STOX2: variants seen among roughly 807,000 people sequenced by gnomAD.
The protein encoded by STOX2 is storkhead box 2, also known as storkhead-box protein 2.
A neutral mutation model predicts 60.9 loss-of-function variants in STOX2; 28 were observed. The ratio of observed to expected loss-of-function variants is 0.46; its 90% CI spans 0.34 to 0.63. The LOEUF (loss-of-function observed/expected upper bound fraction) is 0.63, where lower values mean the gene tolerates loss of function less well. Among genes scored for constraint, STOX2 ranks in the 30% least tolerant of loss-of-function variants. STOX2 has a pLI of 0.01. For synonymous variants in STOX2, 472 were observed against 463.9 expected (o/e 1.02, Z -0.22); for missense variants, 1,024 against 1,187.7 (o/e 0.86, Z 2.03).
chr4:183,864,062 A>ATT (rs199976911), intron 1 of STOX2, among the ~76,000 whole-genome samples: 164 of 151,950 alleles, frequency 1.1e-3, no homozygotes, highest in African/African-American at 3.7e-3. Flanking sequence ...TGTGAATGTT[A>ATT]TTTTTTTTAA....
Position 183,910,698 on chromosome 4 carries a change from A to G in STOX2, c.166+3742A>G, listed in dbSNP as rs552027292. Among the ~76,000 whole-genome samples, 5 of 152,312 alleles carry G rather than the reference A, an allele frequency of 3.3e-5. No individual in the cohort carries two copies. The South Asian group carries it at 1.0e-3, about 32-fold the overall frequency. On this transcript the variant is annotated intron_variant, in intron 1 of 3. Coordinates refer to ENST00000308497, the MANE Select transcript of STOX2 (RefSeq NM_020225.3). The stretch of plus-strand genomic sequence containing the variant: ...CCTGGCCCATTTGAGTTTGATGCTT[A>G]TCATTTTGATAACATCTTTAAGGAG...
chr4:183,951,714 C>G (rs910851779), intron 1 of STOX2, among the ~76,000 whole-genome samples: 11 of 151,990 alleles, frequency 7.2e-5, no homozygotes, highest in Non-Finnish European at 1.2e-4. Flanking sequence ...CCAAGGCAGG[C>G]AGATCACAAG....
intron 1 of STOX2, among the ~76,000 whole-genome samples, chr4:183,914,819 C>T (rs1741883837): frequency 6.6e-6 from 1 of 152,098 alleles, no homozygotes; most frequent in South Asian, 2.1e-4. Context: ...GGAGATTGTC[C>T]GCTTTCCTGT....
At chr4:183,907,348 C>T (rs926291749) in intron 1 of STOX2, among the ~76,000 whole-genome samples, 2 of 152,176 alleles carry the variant, frequency 1.3e-5, no homozygotes, top group African/African-American at 4.8e-5. Context: ...TTTCCAGCAG[C>T]CCCCTGTTCT....
chr4:183,866,883 C>T (rs1351146479), intron 1 of STOX2, among the ~76,000 whole-genome samples: 1 of 152,140 alleles, frequency 6.6e-6, no homozygotes, highest in Non-Finnish European at 1.5e-5. Context: ...TGTCTCAAAA[C>T]AGACAAACAA....
chr4:183,994,562 T>C (rs1309278717), intron 1 of STOX2, among the ~76,000 whole-genome samples: 1 of 152,252 alleles, frequency 6.6e-6, no homozygotes, highest in Non-Finnish European at 1.5e-5. Flanking sequence ...ATGATGCTTT[T>C]ATGCCAGAAT....
rs753000448 is a variant in STOX2, at chr4:184,009,253, G to A, written c.415G>A (p.Val139Met). Residue 139 changes from valine (V) to methionine (M), a missense_variant, in exon 3 of 4, where the codon GTG (valine) becomes ATG (methionine). This residue lies in a region of STOX2 where 922 missense variants were observed against 1,058.3 expected (regional missense o/e 0.87). Transcript: ENST00000308497. The surrounding 1 kb of genome is among the most constrained non-coding windows in gnomAD (Gnocchi z 4.0). ...CCCAACTCCAGATGGCTACTTCATCGTGACCCCACAGACTTATTTCATAAC... is the reference window on the plus strand; with the variant it reads ...CCCAACTCCAGATGGCTACTTCATCATGACCCCACAGACTTATTTCATAAC... ...IYPTPDGYFI[V>M]TPQTYFITPS... is the part of the protein sequence containing the mutation. 25 of 1,602,252 alleles carry A rather than the reference G, an allele frequency of 1.6e-5. No homozygotes were observed. Among genetic ancestry groups the A allele is most frequent in the Admixed American group, 3.4e-5 (2 of 59,418 alleles).
chr4:183,991,266 A>G (rs894065667), intron 1 of STOX2, among the ~76,000 whole-genome samples: 1 of 152,194 alleles, frequency 6.6e-6, no homozygotes, highest in Admixed American at 6.5e-5. Flanking sequence ...ATCTTATTAA[A>G]CTACTTCATA....
Position 183,981,422 on chromosome 4 carries a change from A to T in STOX2, c.167-19903A>T, listed in dbSNP as rs537777078. ...CTGCAGTTTAAATACTAGATACGAG[A>T]TAGAAACGTCTGAGATACACTCAGG... On this transcript the variant is annotated intron_variant, in intron 1 of 3. Coordinates refer to ENST00000308497, the MANE Select transcript of STOX2 (RefSeq NM_020225.3). 3.2e-4 allele frequency among the ~76,000 whole-genome samples: 48 copies of T among 151,700 alleles called. 1 individual carries two copies. The East Asian group carries it at 8.7e-3, about 27-fold the overall frequency.
intron 1 of STOX2, among the ~76,000 whole-genome samples, chr4:183,908,253 A>G (rs1038594604): frequency 6.6e-6 from 1 of 152,232 alleles, no homozygotes; most frequent in African/African-American, 2.4e-5. Context: ...AGAAAGTGAC[A>G]ACTACAGTTT....
At position 184,011,199 on chromosome 4, in the gene STOX2, C is replaced by G. The variant is rs376092212; in HGVS notation, c.2361C>G (p.Asn787Lys). 46 of 1,601,682 alleles carry G rather than the reference C, an allele frequency of 2.9e-5. No individual in the cohort carries two copies. In the African/African-American group the frequency reaches 5.9e-4, roughly 21 times the overall value. ...SDDDDSEEGA[N>K]KNTEEEKNRE... is the part of the protein sequence containing the mutation. ...ATGACGACTCTGAGGAAGGGGCAAA[C>G]AAGAACACAGAGGAGGAGAAAAATA... The change falls in exon 3 of 4, where the codon AAC becomes AAG. Residue 787 changes from asparagine (N) to lysine (K), a missense_variant. Asn to Lys is a moderately conservative substitution (Grantham distance 94). This residue lies in a region of STOX2 where 922 missense variants were observed against 1,058.3 expected (regional missense o/e 0.87). Transcript: ENST00000308497. The surrounding 1 kb of genome is among the most constrained non-coding windows in gnomAD (Gnocchi z 4.4).
intron 1 of STOX2, among the ~76,000 whole-genome samples, chr4:183,857,035 A>G (rs1228343943): frequency 7.2e-5 from 11 of 152,132 alleles, no homozygotes; most frequent in Non-Finnish European, 1.5e-5. Flanking sequence ...CAGGAAGTTC[A>G]AACAAGCCTT....
chr4:183,933,686 GCTGAAA>G (rs2111119030), intron 1 of STOX2, among the ~76,000 whole-genome samples: 1 of 152,278 alleles, frequency 6.6e-6, no homozygotes, highest in South Asian at 2.1e-4. Flanking sequence ...ACTGCACCTG[GCTGAAA>G]CTCAGAAGTA....
At chr4:183,879,487 C>T (rs1011388174) in intron 1 of STOX2, among the ~76,000 whole-genome samples, 1 of 152,206 alleles carries the variant, frequency 6.6e-6, no homozygotes, top group African/African-American at 2.4e-5. Context: ...CGCTGGGATA[C>T]AGTGAGTGAC....
intron 1 of STOX2, among the ~76,000 whole-genome samples, chr4:183,850,276 A>G (rs112694102): frequency 0.038 from 5,801 of 151,524 alleles, 362 homozygotes; most frequent in African/African-American, 0.13. Flanking sequence ...CCCAGCCTGC[A>G]TTTTCTTAAA....
At chr4:183,909,329 G>A (rs150653771) in intron 1 of STOX2, among the ~76,000 whole-genome samples, 327 of 152,280 alleles carry the variant, frequency 2.1e-3, no homozygotes, top group Middle Eastern at 0.02. Flanking sequence ...AGTGACTTTG[G>A]ATACAAACAG....
chr4:183,941,775 C>G (rs1742760932), intron 1 of STOX2, among the ~76,000 whole-genome samples: 1 of 152,166 alleles, frequency 6.6e-6, no homozygotes. Flanking sequence ...CCTTACAAAG[C>G]TCCACTAGAA....
At chr4:183,902,244 C>G (rs1234013325), upstream of STOX2, among the ~76,000 whole-genome samples, 2 of 152,078 alleles carry the variant, frequency 1.3e-5, no homozygotes, top group African/African-American at 4.8e-5. Flanking sequence ...AGCTGATAAA[C>G]TAAAGTTTTA....
chr4:183,886,598 T>G (rs1190587577), intron 1 of STOX2, among the ~76,000 whole-genome samples: 1 of 152,182 alleles, frequency 6.6e-6, no homozygotes, highest in African/African-American at 2.4e-5. Flanking sequence ...ACCGTCCAGG[T>G]GCAGAATGAA....
Sources: allele counts gnomAD v4.1 joint callset (sites outside exome capture counted in the v4.1 genomes callset), GRCh38; gene constraint gnomAD v4.1.1; regional missense constraint gnomAD v4.1.1; non-coding constraint Gnocchi (gnomAD v3.1); transcripts MANE v1.5; gene names NCBI Gene and HGNC (gene_info 2026-07-23, HGNC 2026-07-21).